Variants in CSMD1 observed in about 807,000 individuals in gnomAD.
CSMD1 encodes the protein CUB and Sushi multiple domains 1.
Under a neutral mutation model 417.5 loss-of-function variants are expected in CSMD1, and 213 were observed. The observed-to-expected ratio is 0.51, with a 90% CI of 0.46 to 0.57. CSMD1 has a LOEUF of 0.57. Among genes scored for constraint, CSMD1 ranks in the 20% least tolerant of loss-of-function variants. CSMD1 has a pLI of 0.00. For synonymous variants in CSMD1, 2,862 were observed against 1,736.8 expected (o/e 1.65, Z -16.11); for missense variants, 6,923 against 4,529.7 (o/e 1.53, Z -15.17).
intron 3 of CSMD1, among the ~76,000 whole-genome samples, chr8:4,214,805 G>T (rs1044731779): frequency 2.6e-5 from 4 of 152,090 alleles, no homozygotes; most frequent in African/African-American, 9.7e-5. Flanking sequence ...AACTTTAAGA[G>T]AAGCTCAAAA....
intron 7 of CSMD1, among the ~76,000 whole-genome samples, chr8:3,672,284 A>C (rs1799113023): frequency 6.6e-6 from 1 of 152,114 alleles, no homozygotes; most frequent in South Asian, 2.1e-4. Flanking sequence ...CTTAACCATA[A>C]ATTAAGAAAT....
At chr8:2,955,562 T>C (rs1371799803) in intron 64 of CSMD1, 27 bp downstream of exon 64, 4 of 1,610,644 alleles carry the variant, frequency 2.5e-6, no homozygotes, top group Non-Finnish European at 8.5e-7. Flanking sequence ...TTTGGAAAAG[T>C]ATGCCACTCC....
intron 1 of CSMD1, among the ~76,000 whole-genome samples, chr8:4,873,983 G>A (rs1020843564): frequency 2.0e-5 from 3 of 152,030 alleles, no homozygotes; most frequent in Non-Finnish European, 4.4e-5. Context: ...AATCTCATTC[G>A]GAGTAAATAA....
chr8:3,057,400 TA>T (rs745673036), intron 49 of CSMD1, among the ~76,000 whole-genome samples: 2 of 152,150 alleles, frequency 1.3e-5, no homozygotes, highest in Non-Finnish European at 2.9e-5. Flanking sequence ...TAAAACACCT[TA>T]GGAAACACTA....
intron 1 of CSMD1, among the ~76,000 whole-genome samples, chr8:4,654,191 G>A (rs1381242082): frequency 1.3e-5 from 2 of 151,912 alleles, no homozygotes; most frequent in Non-Finnish European, 2.9e-5. Context: ...CTACTCTTCT[G>A]GAGTAGTCTG....
At chr8:3,289,568 G>T (rs1234328301) in intron 25 of CSMD1, among the ~76,000 whole-genome samples, 2 of 102,312 alleles carry the variant, frequency 2.0e-5, no homozygotes, top group Non-Finnish European at 2.3e-5. Flanking sequence ...GCATTTCTCT[G>T]ATGGCCGGTG....
chr8:4,807,844 T>G (rs1365828226), intron 1 of CSMD1, among the ~76,000 whole-genome samples: 2 of 152,160 alleles, frequency 1.3e-5, no homozygotes, highest in Middle Eastern at 3.2e-3. Flanking sequence ...GCAAGCTATG[T>G]TATTGTTAAT....
chr8:3,610,610 C>G (rs1341579670), intron 8 of CSMD1, among the ~76,000 whole-genome samples: 1 of 152,148 alleles, frequency 6.6e-6, no homozygotes, highest in Non-Finnish European at 1.5e-5. Context: ...CTACACAATC[C>G]TAAGCTACCA....
intron 53 of CSMD1, among the ~76,000 whole-genome samples, chr8:2,999,070 A>G (rs1398114303): frequency 6.6e-6 from 1 of 152,156 alleles, no homozygotes; most frequent in African/African-American, 2.4e-5. Context: ...AAAATAGTCA[A>G]TATTTACAAT....
intron 1 of CSMD1, among the ~76,000 whole-genome samples, chr8:4,850,121 G>T (rs1801379949): frequency 6.6e-6 from 1 of 152,104 alleles, no homozygotes; most frequent in Non-Finnish European, 1.5e-5. Flanking sequence ...GCATTCCCCT[G>T]ATGCCTAATA....
At chr8:3,628,355 C>G (rs1484924548) in intron 7 of CSMD1, among the ~76,000 whole-genome samples, 1 of 152,220 alleles carries the variant, frequency 6.6e-6, no homozygotes, top group African/African-American at 2.4e-5. Flanking sequence ...CGAGGGTGAC[C>G]TCACGCCCCT....
chr8:3,620,010 G>T (rs556555022), intron 7 of CSMD1, among the ~76,000 whole-genome samples: 3 of 152,172 alleles, frequency 2.0e-5, no homozygotes, highest in Admixed American at 2.0e-4. Flanking sequence ...GCTGAGACAG[G>T]AGAATAGCTT....
intron 1 of CSMD1, among the ~76,000 whole-genome samples, chr8:4,697,783 A>C (rs2116799828): frequency 6.6e-6 from 1 of 152,356 alleles, no homozygotes; most frequent in East Asian, 1.9e-4. Context: ...AACTGTGATA[A>C]AATACACACA....
At chr8:3,678,656 G>A (rs1037972531) in intron 7 of CSMD1, among the ~76,000 whole-genome samples, 3 of 152,072 alleles carry the variant, frequency 2.0e-5, no homozygotes, top group African/African-American at 7.2e-5. Flanking sequence ...AGCAAGGCAG[G>A]CCAACATGCA....
chr8:4,047,294 G>C (rs1021083285), intron 3 of CSMD1, among the ~76,000 whole-genome samples: 10 of 152,262 alleles, frequency 6.6e-5, no homozygotes, highest in African/African-American at 1.9e-4. Flanking sequence ...GGAGGAAGGA[G>C]AGAGACATAA....
intron 1 of CSMD1, among the ~76,000 whole-genome samples, chr8:4,637,954 G>C (rs1404726146): frequency 6.6e-6 from 1 of 152,166 alleles, no homozygotes; most frequent in African/African-American, 2.4e-5. Flanking sequence ...ACAGGCGTGA[G>C]CCACCGCGCC....
At chr8:4,477,010 T>A (rs1311545842) in intron 2 of CSMD1, among the ~76,000 whole-genome samples, 1 of 152,182 alleles carries the variant, frequency 6.6e-6, no homozygotes, top group African/African-American at 2.4e-5. Context: ...GACAGGTGGC[T>A]GTGGTTACAG....
intron 3 of CSMD1, among the ~76,000 whole-genome samples, chr8:4,237,998 C>A (rs1802168493): frequency 6.6e-6 from 1 of 152,158 alleles, no homozygotes; most frequent in Non-Finnish European, 1.5e-5. Flanking sequence ...ATGCACAGGC[C>A]TACTGGGCGG....
In CSMD1 at chr8:3,926,102, C is replaced by CACACACCATACAG. The variant is rs1554488635; in HGVS notation, c.818+71800_818+71801insCTGTATGGTGTGT. ...CACCATACACACACACACACACACA[C>CACACACCATACAG]ACACACACACACACACACACACACA... On this transcript the variant is annotated intron_variant, in intron 5 of 69. Coordinates refer to ENST00000635120, the MANE Select transcript of CSMD1 (RefSeq NM_033225.6). 2.4e-3 allele frequency among the ~76,000 whole-genome samples: 123 copies of CACACACCATACAG among 52,140 alleles called. 5 individuals are homozygous for CACACACCATACAG. Among genetic ancestry groups the CACACACCATACAG allele is most frequent in the African/African-American group, 1.5e-3 (25 of 16,408 alleles). 34.2% of individuals were successfully genotyped at this position (52,140 alleles called of 152,430 possible). A position where few individuals can be genotyped will look rare whatever the true frequency, so the allele number is the denominator to read the frequency against.
Sources: gnomAD v4.1 joint callset for allele counts (sites outside exome capture counted in the v4.1 genomes callset) on GRCh38, gnomAD v4.1.1 for gene constraint, MANE v1.5 for transcripts, NCBI Gene and HGNC (gene_info 2026-07-23, HGNC 2026-07-21) for gene names.